Variants in GRIN3A observed in about 807,000 individuals in gnomAD.
GRIN3A encodes glutamate receptor ionotropic, NMDA 3A.
GRIN3A carries 47 observed loss-of-function variants against 92.4 expected under a neutral mutation model. The observed-to-expected ratio is 0.51, with a 90% CI of 0.40 to 0.65. The LOEUF (loss-of-function observed/expected upper bound fraction) is 0.65. GRIN3A is among the 30% of genes least tolerant of loss of function. The pLI is 0.00. For missense variants in GRIN3A, 1,324 were observed against 1,393.1 expected (o/e 0.95, Z 0.79); for synonymous variants, 527 against 540.6 (o/e 0.97, Z 0.35).
At chr9:101,658,395 G>A (rs192704723) in intron 3 of GRIN3A, among the ~76,000 whole-genome samples, 1 of 151,790 alleles carries the variant, frequency 6.6e-6, no homozygotes, top group East Asian at 2.0e-4. Context: ...TCACCTTTAG[G>A]CTGATGGTTA....
chr9:101,737,542 C>G lies in GRIN3A; in HGVS notation c.438G>C (p.Leu146=). The G allele has an allele frequency of 6.2e-7, 1 of 1,614,234 alleles. No individual in the cohort carries two copies. Among genetic ancestry groups the G allele is most frequent in the African/African-American group, 1.3e-5 (1 of 75,070 alleles). The change falls in exon 1 of 9, where the codon CTG becomes CTC. Residue 146 remains leucine (L), a synonymous_variant. Coordinates refer to ENST00000361820, the MANE Select transcript of GRIN3A (RefSeq NM_133445.3). ...NRVEGLLPYN[L]SLEVVMAIEA... is the part of the protein sequence containing the mutation. ...CGATGGCCATCACTACTTCCAAAGA[C>G]AGGTTGTAGGGTAGCAGCCCTTCCA...
At chr9:101,632,553 G>T (rs1046778935) in intron 3 of GRIN3A, among the ~76,000 whole-genome samples, 1 of 152,038 alleles carries the variant, frequency 6.6e-6, no homozygotes, top group African/African-American at 2.4e-5. Context: ...TAAAAATTTG[G>T]TGGTTTTTAT....
At chr9:101,602,934 A>G (rs1181840684) in intron 6 of GRIN3A, 2 of 152,152 alleles carry the variant, frequency 1.3e-5, no homozygotes, top group Non-Finnish European at 2.9e-5. Flanking sequence ...AATTGACTAC[A>G]TGCAAAGACC....
chr9:101,652,679 C>A (rs1829028894), intron 3 of GRIN3A, among the ~76,000 whole-genome samples: 1 of 152,136 alleles, frequency 6.6e-6, no homozygotes, highest in South Asian at 2.1e-4. Context: ...CTAGGGACAC[C>A]TTGGACTGGT....
intron 8 of GRIN3A, among the ~76,000 whole-genome samples, chr9:101,575,752 G>C (rs1265661063): frequency 6.6e-6 from 1 of 152,134 alleles, no homozygotes; most frequent in Non-Finnish European, 1.5e-5. Context: ...GCATGCATGA[G>C]CATTTGCATA....
chr9:101,737,296 A>C lies in GRIN3A; in HGVS notation c.684T>G (p.Phe228Leu). The C allele has an allele frequency of 6.2e-7, 1 of 1,614,148 alleles. No homozygotes were observed. The highest frequency in any genetic ancestry group is 8.5e-7 in the Non-Finnish European group (1 of 1,180,012). The change falls in exon 1 of 9, where the codon TTT becomes TTG. Residue 228 changes from phenylalanine (F) to leucine (L), a missense_variant. Transcript: ENST00000361820. ...IPVISIVRHE[F>L]PRESQNPLHL... ...CTCCTCTCACCTGACTCTCCCGTGG[A>C]AACTCGTGGCGCACGATGCTGATCA... is the stretch of plus-strand genomic sequence containing the variant.
chr9:101,642,853 T>G (rs1828885035), intron 3 of GRIN3A, among the ~76,000 whole-genome samples: 1 of 152,142 alleles, frequency 6.6e-6, no homozygotes, highest in Non-Finnish European at 1.5e-5. Flanking sequence ...GTTATGAGAA[T>G]CTAATGCCTG....
chr9:101,726,940 A>ATG (rs1830088048), intron 1 of GRIN3A, among the ~76,000 whole-genome samples: 1 of 152,114 alleles, frequency 6.6e-6, no homozygotes, highest in Non-Finnish European at 1.5e-5. Flanking sequence ...GCACAGTACA[A>ATG]TGGTGATTAT....
At chr9:101,684,351 T>C (rs990962308) in intron 2 of GRIN3A, among the ~76,000 whole-genome samples, 4 of 145,118 alleles carry the variant, frequency 2.8e-5, no homozygotes, top group African/African-American at 1.0e-4. Context: ...GACCTCGTGA[T>C]CCGCCCACCT....
At chr9:101,648,256 T>A (rs1828965382) in intron 3 of GRIN3A, among the ~76,000 whole-genome samples, 1 of 152,074 alleles carries the variant, frequency 6.6e-6, no homozygotes. Flanking sequence ...TTAATTTCCA[T>A]AATCTGTACA....
chr9:101,719,553 T>C (rs1829986740), intron 1 of GRIN3A, among the ~76,000 whole-genome samples: 1 of 152,170 alleles, frequency 6.6e-6, no homozygotes, highest in African/African-American at 2.4e-5. Flanking sequence ...TTAAGCTTAC[T>C]GATTTATTAC....
intron 6 of GRIN3A, among the ~76,000 whole-genome samples, chr9:101,611,907 A>C (rs1008652039): frequency 2.6e-5 from 4 of 152,196 alleles, no homozygotes; most frequent in Non-Finnish European, 5.9e-5. Context: ...GATTCAGCTG[A>C]GCAAGTGTCA....
At chr9:101,734,953 T>A (rs150004651) in intron 1 of GRIN3A, among the ~76,000 whole-genome samples, 37 of 151,744 alleles carry the variant, frequency 2.4e-4, no homozygotes, top group African/African-American at 8.2e-4. Flanking sequence ...GAGTTTGACA[T>A]CCTTTTATAT....
At chr9:101,706,117 A>G (rs1370529303) in intron 1 of GRIN3A, among the ~76,000 whole-genome samples, 1 of 152,228 alleles carries the variant, frequency 6.6e-6, no homozygotes, top group Non-Finnish European at 1.5e-5. Flanking sequence ...ATTTTCTTAG[A>G]TGTCAGAACT....
At chr9:101,651,014 G>A (rs1160913701) in intron 3 of GRIN3A, among the ~76,000 whole-genome samples, 1 of 151,622 alleles carries the variant, frequency 6.6e-6, no homozygotes, top group Non-Finnish European at 1.5e-5. Flanking sequence ...ATAAATATTT[G>A]TTTATTTGTG....
intron 1 of GRIN3A, among the ~76,000 whole-genome samples, chr9:101,709,669 CT>C (rs1829855500): frequency 6.6e-6 from 1 of 152,172 alleles, no homozygotes; most frequent in Admixed American, 6.5e-5. Context: ...TAATGCCTTC[CT>C]CTCAAAGTTG....
At chr9:101,677,727 T>A (rs540012311) in intron 2 of GRIN3A, among the ~76,000 whole-genome samples, 1 of 152,140 alleles carries the variant, frequency 6.6e-6, no homozygotes, top group African/African-American at 2.4e-5. Context: ...TATGATAACA[T>A]GAATTTGTCC....
At chr9:101,644,065 A>T (rs868576235) in intron 3 of GRIN3A, among the ~76,000 whole-genome samples, 7 of 151,948 alleles carry the variant, frequency 4.6e-5, no homozygotes, top group African/African-American at 1.7e-4. Context: ...ATATAAGGTT[A>T]TAGATATGTA....
Position 101,571,015 on chromosome 9 carries a change from ATGG to A in GRIN3A, c.*2156_*2158del, listed in dbSNP as rs1827752074. 6.6e-6 allele frequency: 1 copy of A among 152,334 alleles called. No individual in the cohort carries two copies. Among genetic ancestry groups the A allele is most frequent in the African/African-American group, 2.4e-5 (1 of 41,448 alleles). 9.4% of individuals were successfully genotyped at this position (152,334 alleles called of 1,614,324 possible). On this transcript the variant is annotated 3_prime_UTR_variant, in exon 9 of 9. Transcript: ENST00000361820. Reference sequence around the variant, plus strand: ...ACAGAGGTTCAGGGGCACGCAGAGCATGGTGGCAGAGTCTCCAGCATTCTTAGC... The same window carrying A: ...ACAGAGGTTCAGGGGCACGCAGAGCATGGCAGAGTCTCCAGCATTCTTAGC...
Sources: gnomAD v4.1 joint callset for allele counts (sites outside exome capture counted in the v4.1 genomes callset) on GRCh38, gnomAD v4.1.1 for gene constraint, MANE v1.5 for transcripts, NCBI Gene and HGNC (gene_info 2026-07-23, HGNC 2026-07-21) for gene names.